The following FAM83A variants were observed in gnomAD, a reference collection of about 807,000 sequenced individuals.
FAM83A encodes the protein scaffolding CK1 anchoring protein A.
FAM83A carries 21 observed loss-of-function variants against 24.4 expected under a neutral mutation model. That is an observed-to-expected ratio of 0.86 (90% CI 0.61 to 1.24). The LOEUF (loss-of-function observed/expected upper bound fraction) is 1.24, where lower values mean the gene tolerates loss of function less well. Ranked by LOEUF, FAM83A falls within the 50% of genes most tolerant of loss-of-function variation. The pLI, the probability that FAM83A is intolerant of heterozygous loss-of-function variation, is 0.00. For synonymous variants in FAM83A, 270 were observed against 252.4 expected, an observed-to-expected ratio of 1.07 and a Z score of -0.66; for missense variants, 617 against 579.8, an observed-to-expected ratio of 1.06 and a Z score of -0.66.
At chr8:123,190,648 T>A (rs1260058870) in intron 1 of FAM83A, among the ~76,000 whole-genome samples, 1 of 152,070 alleles carries the variant, frequency 6.6e-6, no homozygotes, top group Admixed American at 6.5e-5. Flanking sequence ...CATGACTGGG[T>A]GACAGAGAGT....
chr8:123,182,750 C>T, exon 1 of FAM83A: 4 of 1,484,042 alleles, frequency 2.7e-6, no homozygotes, highest in Non-Finnish European at 3.6e-6. Context: ...CAGGCGGCCT[C>T]CCGGGGGTGC....
At chr8:123,182,340 T>TA, upstream of FAM83A, 1 of 354,264 alleles carries the variant, frequency 2.8e-6, no homozygotes, top group Non-Finnish European at 5.6e-6. Context: ...ATGGCATCTT[T>TA]CCCCCCCACA....
At chr8:123,203,974 A>G (rs1586788964) in intron 3 of FAM83A, among the ~76,000 whole-genome samples, 2 of 147,344 alleles carry the variant, frequency 1.4e-5, no homozygotes, top group East Asian at 3.9e-4. Flanking sequence ...AAAAAAAAAA[A>G]GGACAAAAAA....
chr8:123,180,612 C>A (rs867393487), upstream of FAM83A: 1 of 152,336 alleles, frequency 6.6e-6, no homozygotes, highest in African/African-American at 2.4e-5. Context: ...AGACTAGGGA[C>A]AGGACTTGGG....
At chr8:123,206,998 C>T (rs573187518) in intron 3 of FAM83A, among the ~76,000 whole-genome samples, 159 bp from the exon 4 acceptor site, 3 of 128,884 alleles carry the variant, frequency 2.3e-5, no homozygotes, top group East Asian at 5.5e-4. Flanking sequence ...CCTTCCCCCT[C>T]CCCTCCTCCT....
At chr8:123,197,766 G>A (rs929838649) in intron 3 of FAM83A, among the ~76,000 whole-genome samples, 9 of 152,214 alleles carry the variant, frequency 5.9e-5, no homozygotes, top group African/African-American at 2.2e-4. Context: ...AAGAACAGGT[G>A]CAGTTTGAAA....
intron 1 of FAM83A, 72 bp downstream of exon 1, chr8:123,183,408 G>T: frequency 6.5e-7 from 1 of 1,539,682 alleles, no homozygotes; most frequent in Admixed American, 1.9e-5. Flanking sequence ...AGCAGGGAGG[G>T]GGGTGCATTT....
At chr8:123,187,539 T>C (rs1277877551) in intron 1 of FAM83A, among the ~76,000 whole-genome samples, 1 of 152,264 alleles carries the variant, frequency 6.6e-6, no homozygotes, top group Admixed American at 6.5e-5. Context: ...TTCATTAAAA[T>C]TGTTATTTTA....
At chr8:123,201,510 C>T (rs888810932) in intron 3 of FAM83A, 1 of 152,218 alleles carries the variant, frequency 6.6e-6, no homozygotes, top group Non-Finnish European at 1.5e-5. Context: ...CAAAGGTGAC[C>T]TGCTTACTAG....
intron 3 of FAM83A, among the ~76,000 whole-genome samples, chr8:123,200,525 C>T (rs1342941626): frequency 2.6e-5 from 4 of 152,108 alleles, no homozygotes; most frequent in African/African-American, 9.7e-5. Flanking sequence ...GTGATCAGAA[C>T]TTTAATAAGG....
intron 3 of FAM83A, among the ~76,000 whole-genome samples, chr8:123,206,084 A>G (rs944991593): frequency 6.6e-6 from 1 of 151,488 alleles, no homozygotes; most frequent in African/African-American, 2.4e-5. Context: ...CGGAGGTTGC[A>G]GTGGGACGAG....
At chr8:123,199,045 A>G (rs1824259344) in intron 3 of FAM83A, among the ~76,000 whole-genome samples, 1 of 152,068 alleles carries the variant, frequency 6.6e-6, no homozygotes, top group Non-Finnish European at 1.5e-5. Context: ...CAGCTTCTAT[A>G]CCCAACTTTT....
At chr8:123,186,402 C>A (rs1823798750) in intron 1 of FAM83A, among the ~76,000 whole-genome samples, 1 of 151,044 alleles carries the variant, frequency 6.6e-6, no homozygotes, top group Non-Finnish European at 1.5e-5. Context: ...TTGAATTCTC[C>A]CTCTCCTAAG....
At chr8:123,196,019 T>C (rs1480922910) in intron 3 of FAM83A, among the ~76,000 whole-genome samples, 1 of 152,246 alleles carries the variant, frequency 6.6e-6, no homozygotes, top group East Asian at 1.9e-4. Context: ...ATCATTAATT[T>C]TTGTTTTTTT....
At chr8:123,207,558 G>T in exon 4 of FAM83A, 1 of 1,529,334 alleles carries the variant, frequency 6.5e-7, no homozygotes. Flanking sequence ...CCCCACGACG[G>T]CCCGCCCGCC....
chr8:123,207,448 C>T, exon 4 of FAM83A: 1 of 1,601,442 alleles, frequency 6.2e-7, no homozygotes, highest in African/African-American at 1.3e-5. Context: ...CTTCAGGGCC[C>T]TGTAGCCCCG....
Position 123,209,504 on chromosome 8 carries a change from C to CTCAGGG in FAM83A, c.*1816_*1817insTCAGGG. The CTCAGGG allele has an allele frequency of 6.2e-7, 1 of 1,614,164 alleles. No individual in the cohort carries two copies. The highest frequency in any genetic ancestry group is 8.5e-7 in the Non-Finnish European group (1 of 1,180,038). ...TTCCTGATGGCTTTCTGAACCCAGC[C>CTCAGGG]CTGACCTTGTTGTTTCACAGCTGAC... On this transcript the variant is annotated 3_prime_UTR_variant, in exon 4 of 4. Transcript: ENST00000690554. This position sits in a 1 kb window ranked among gnomAD's most constrained non-coding sequence, Gnocchi z 4.7.
chr8:123,182,740 C>T, exon 1 of FAM83A: 1 of 1,444,314 alleles, frequency 6.9e-7, no homozygotes. Flanking sequence ...GTCCTGGGAG[C>T]AGGCGGCCTC....
chr8:123,186,688 G>A (rs530182964), intron 1 of FAM83A, among the ~76,000 whole-genome samples: 3 of 152,206 alleles, frequency 2.0e-5, no homozygotes, highest in Non-Finnish European at 2.9e-5. Context: ...AAATTAGCTC[G>A]GTGTGGTGGC....
Sources: gnomAD v4.1 joint callset for allele counts (sites outside exome capture counted in the v4.1 genomes callset) on GRCh38, gnomAD v4.1.1 for gene constraint, Gnocchi (gnomAD v3.1) non-coding constraint, MANE v1.5 for transcripts, NCBI Gene and HGNC (gene_info 2026-07-23, HGNC 2026-07-21) for gene names.